The following CAMK4 variants were observed in gnomAD, a reference collection of about 807,000 sequenced individuals.
CAMK4 encodes the protein calcium/calmodulin dependent protein kinase IV.
In CAMK4, 22 loss-of-function variants were observed where a neutral mutation model predicts 44.9. That is an observed-to-expected ratio of 0.49 (90% CI 0.35 to 0.70). The LOEUF is 0.70. Among genes scored for constraint, CAMK4 ranks in the 30% least tolerant of loss-of-function variants. The pLI is 0.01. For missense variants in CAMK4, 498 were observed against 586.8 expected (o/e 0.85, Z 1.56); for synonymous variants, 218 against 215.4 (o/e 1.01, Z -0.11).
chr5:111,295,986 G>A (rs1747467974), intron 1 of CAMK4, among the ~76,000 whole-genome samples: 3 of 152,116 alleles, frequency 2.0e-5, no homozygotes, highest in South Asian at 4.2e-4. Context: ...CTGTATTAAT[G>A]GTATAATATG....
intron 1 of CAMK4, among the ~76,000 whole-genome samples, chr5:111,258,740 C>CGTGTGTGTGTGTGT (rs201959904): frequency 4.3e-5 from 6 of 139,236 alleles, no homozygotes; most frequent in Non-Finnish European, 7.9e-5. Flanking sequence ...GAGTTATCAG[C>CGTGTGTGTGTGTGT]GTGTGTGTGT....
intron 1 of CAMK4, among the ~76,000 whole-genome samples, chr5:111,238,905 C>T (rs1354301776): frequency 1.4e-5 from 2 of 140,976 alleles, no homozygotes; most frequent in Non-Finnish European, 1.5e-5. Flanking sequence ...TCTTCTGTGG[C>T]TACATCCCCA....
intron 1 of CAMK4, among the ~76,000 whole-genome samples, chr5:111,270,574 A>G (rs1750466860): frequency 6.6e-6 from 1 of 152,282 alleles, no homozygotes; most frequent in African/African-American, 2.4e-5. Flanking sequence ...TTTCTTCTTC[A>G]GCCTTTGGCT....
At chr5:111,372,300 C>A (rs1438233631) in intron 2 of CAMK4, among the ~76,000 whole-genome samples, 1 of 152,120 alleles carries the variant, frequency 6.6e-6, no homozygotes, top group South Asian at 2.1e-4. Flanking sequence ...CCTCCCATCT[C>A]CCTCAACCAT....
chr5:111,449,628 C>G (rs1249411091), intron 7 of CAMK4: 1 of 152,908 alleles, frequency 6.5e-6, no homozygotes, highest in Non-Finnish European at 1.5e-5. Context: ...CTAGTTCTTT[C>G]CATGGCCTGG....
At chr5:111,364,956 A>G (rs954700337) in intron 2 of CAMK4, 2 of 152,140 alleles carry the variant, frequency 1.3e-5, no homozygotes, top group African/African-American at 4.8e-5. Context: ...ACCATATCCA[A>G]TGCTTGCTGC....
chr5:111,284,464 G>T (rs1361273792), intron 1 of CAMK4, among the ~76,000 whole-genome samples: 1 of 152,216 alleles, frequency 6.6e-6, no homozygotes, highest in East Asian at 1.9e-4. Flanking sequence ...TTCATATTTG[G>T]ATTCTGCTAA....
chr5:111,467,934 T>TCACACACACACACACACA (rs60254627), intron 7 of CAMK4, among the ~76,000 whole-genome samples: 2 of 143,350 alleles, frequency 1.4e-5, no homozygotes, highest in South Asian at 2.3e-4. Flanking sequence ...AAAGAAATTG[T>TCACACACACACACACACA]CACACACACA....
chr5:111,479,252 G>A (rs146146377), intron 9 of CAMK4, among the ~76,000 whole-genome samples: 62 of 152,160 alleles, frequency 4.1e-4, no homozygotes, highest in Admixed American at 1.3e-3. Flanking sequence ...TAATAGTAAC[G>A]TAAGTCCCAT....
At position 111,290,277 on chromosome 5, in the gene CAMK4, A is replaced by G. The variant is rs1250876874; in HGVS notation, c.162-53747A>G. 6.6e-6 allele frequency among the ~76,000 whole-genome samples: 1 copy of G among 152,228 alleles called. No individual in the cohort carries two copies. The highest frequency in any genetic ancestry group is 2.4e-5 in the African/African-American group (1 of 41,466). ...TAGGCCACCTGCTTCTAATCTTAGA[A>G]GCAAGACCAATAGGTCCCATGGCTA... On this transcript the variant is annotated intron_variant, in intron 1 of 10. Transcript: ENST00000282356. This position sits in a 1 kb window ranked among gnomAD's most constrained non-coding sequence, Gnocchi z 4.5.
chr5:111,415,971 C>T (rs541179112), intron 5 of CAMK4, among the ~76,000 whole-genome samples: 1 of 152,012 alleles, frequency 6.6e-6, no homozygotes, highest in African/African-American at 2.4e-5. Context: ...AACACTACAC[C>T]ATTTTATATA....
At chr5:111,280,287 C>T (rs1360965294) in intron 1 of CAMK4, among the ~76,000 whole-genome samples, 3 of 152,014 alleles carry the variant, frequency 2.0e-5, no homozygotes, top group Non-Finnish European at 4.4e-5. Context: ...TCAGCTTTAG[C>T]GAATTACAGA....
chr5:111,301,041 A>G (rs1038629299), intron 1 of CAMK4, among the ~76,000 whole-genome samples: 2 of 151,648 alleles, frequency 1.3e-5, no homozygotes, highest in African/African-American at 4.8e-5. Flanking sequence ...TGAAGTCCAC[A>G]TGCTGGAGAA....
At chr5:111,363,485 T>C (rs922291245) in intron 2 of CAMK4, among the ~76,000 whole-genome samples, 8 of 152,078 alleles carry the variant, frequency 5.3e-5, no homozygotes, top group Admixed American at 5.3e-4. Context: ...CTTTCTGTCA[T>C]AGAACTCATG....
At chr5:111,326,867 G>C (rs899503823) in intron 1 of CAMK4, among the ~76,000 whole-genome samples, 8 of 151,864 alleles carry the variant, frequency 5.3e-5, no homozygotes, top group African/African-American at 1.9e-4. Context: ...AAATAGGGTT[G>C]TGCATGGACC....
At chr5:111,225,462 C>T (rs1040264832) in intron 1 of CAMK4, among the ~76,000 whole-genome samples, 1 of 151,144 alleles carries the variant, frequency 6.6e-6, no homozygotes, top group Non-Finnish European at 1.5e-5. Context: ...CCCTTACTTC[C>T]TTTTTTTTTG....
chr5:111,360,861 C>G (rs116183670), intron 2 of CAMK4, among the ~76,000 whole-genome samples: 1 of 152,044 alleles, frequency 6.6e-6, no homozygotes, highest in South Asian at 2.1e-4. Flanking sequence ...TGGGGCAACA[C>G]TGACAAAGAA....
chr5:111,263,164 G>A (rs1461894043), intron 1 of CAMK4, among the ~76,000 whole-genome samples: 1 of 152,202 alleles, frequency 6.6e-6, no homozygotes, highest in East Asian at 1.9e-4. Context: ...ACTATGTCAG[G>A]TGATTTTCCT....
intron 5 of CAMK4, among the ~76,000 whole-genome samples, chr5:111,443,303 C>CT (rs1753904983): frequency 2.9e-5 from 4 of 136,542 alleles, no homozygotes; most frequent in African/African-American, 1.1e-4. Context: ...CACACACACA[C>CT]ACACACACAC....
Sources: gnomAD v4.1 joint callset for allele counts (sites outside exome capture counted in the v4.1 genomes callset) on GRCh38, gnomAD v4.1.1 for gene constraint, Gnocchi (gnomAD v3.1) non-coding constraint, MANE v1.5 for transcripts, NCBI Gene and HGNC (gene_info 2026-07-23, HGNC 2026-07-21) for gene names.